The following BCKDHB variants were observed in gnomAD, a reference collection of about 807,000 sequenced individuals.
BCKDHB encodes branched chain keto acid dehydrogenase E1 subunit beta, also known as 2-oxoisovalerate dehydrogenase subunit beta, mitochondrial.
In BCKDHB, 41 loss-of-function variants were observed where a neutral mutation model predicts 48.5. The ratio of observed to expected loss-of-function variants is 0.85; its 90% CI spans 0.66 to 1.10. The LOEUF is 1.10. Among genes scored for constraint, BCKDHB ranks in the 50% least tolerant of loss-of-function variants. BCKDHB has a pLI of 0.00. For missense variants in BCKDHB, 496 were observed against 494.2 expected (o/e 1.00, Z -0.03); for synonymous variants, 201 against 174.8 (o/e 1.15, Z -1.18).
Position 80,167,826 on chromosome 6 carries a change from A to G in BCKDHB, c.477+15A>G. Reference sequence around the variant, plus strand: ...CATTTGATCAGGTAAGTGAATGAACATTTCTAAGGTTGTTCATTCATTGAA... The same window carrying G: ...CATTTGATCAGGTAAGTGAATGAACGTTTCTAAGGTTGTTCATTCATTGAA... On this transcript the variant is annotated intron_variant, in intron 4 of 9. Transcript: ENST00000320393. 1.9e-6 allele frequency: 3 copies of G among 1,612,426 alleles called. No homozygotes were observed. In the South Asian group the frequency reaches 3.3e-5, roughly 18 times the overall value.
At chr6:80,444,759 G>T in the BCKDHB span, among the ~76,000 whole-genome samples, 4 of 152,064 alleles carry the variant, frequency 2.6e-5, no homozygotes, top group African/African-American at 7.2e-5. Flanking sequence ...ATAACACCTA[G>T]TTTTTCTGAG....
intron 9 of BCKDHB, among the ~76,000 whole-genome samples, chr6:80,336,398 A>G (rs1429111336): frequency 6.6e-6 from 1 of 151,630 alleles, no homozygotes; most frequent in Non-Finnish European, 1.5e-5. Context: ...AAAAATAAGC[A>G]TCCACTTTAA....
At chr6:80,354,531 A>G in the BCKDHB span, among the ~76,000 whole-genome samples, 371 of 152,162 alleles carry the variant, frequency 2.4e-3, 1 homozygote, top group Non-Finnish European at 3.5e-3. Flanking sequence ...GCCTGGCCCT[A>G]TTTTTTTGTT....
At chr6:80,286,672 C>T (rs1766639706) in intron 9 of BCKDHB, among the ~76,000 whole-genome samples, 1 of 152,108 alleles carries the variant, frequency 6.6e-6, no homozygotes, top group Admixed American at 6.5e-5. Context: ...ATGGGCTTCT[C>T]AGGTACTGGT....
chr6:80,400,648 A>C, the BCKDHB span, among the ~76,000 whole-genome samples: 1 of 152,126 alleles, frequency 6.6e-6, no homozygotes, highest in Non-Finnish European at 1.5e-5. Flanking sequence ...ACCATTGTGG[A>C]AAGCAGTTTG....
intron 9 of BCKDHB, among the ~76,000 whole-genome samples, chr6:80,309,832 G>T (rs1380180744): frequency 6.6e-6 from 1 of 152,136 alleles, no homozygotes; most frequent in Non-Finnish European, 1.5e-5. Flanking sequence ...CTGATAGGTA[G>T]CTTTTCCATC....
At chr6:80,424,140 G>A in the BCKDHB span, among the ~76,000 whole-genome samples, 1 of 152,150 alleles carries the variant, frequency 6.6e-6, no homozygotes, top group Admixed American at 6.5e-5. Context: ...GATTCTGACT[G>A]TCTTTCAGCC....
intron 8 of BCKDHB, among the ~76,000 whole-genome samples, chr6:80,259,206 C>T (rs1247675432): frequency 6.6e-6 from 1 of 152,154 alleles, no homozygotes; most frequent in Non-Finnish European, 1.5e-5. Flanking sequence ...GTCTTGAATG[C>T]CTTTCTTCAG....
chr6:80,273,313 G>A lies in BCKDHB; in HGVS notation c.1038+92G>A, dbSNP rs534395254. ...AAATTACTTATCACAATATGTGAAAGCATACACTTTATGGAAATGTAGTGC... is the reference window on the plus strand; with the variant it reads ...AAATTACTTATCACAATATGTGAAAACATACACTTTATGGAAATGTAGTGC... On this transcript the variant is annotated intron_variant, in intron 9 of 9. Transcript: ENST00000320393. The A allele has an allele frequency of 9.0e-6, 10 of 1,115,370 alleles. No individual in the cohort carries two copies. The South Asian group carries it at 1.1e-4, about 13-fold the overall frequency. The allele number at this position is 1,115,370 out of a possible 1,614,324, so 69.1% of individuals were successfully genotyped here. A position where few individuals can be genotyped will look rare whatever the true frequency, so the allele number is the denominator to read the frequency against.
the BCKDHB span, among the ~76,000 whole-genome samples, chr6:80,407,761 T>A: frequency 6.6e-6 from 1 of 152,162 alleles, no homozygotes; most frequent in African/African-American, 2.4e-5. Flanking sequence ...TGGGCTGAGA[T>A]GATGGGGTTT....
At chr6:80,390,336 C>T in the BCKDHB span, among the ~76,000 whole-genome samples, 5 of 150,626 alleles carry the variant, frequency 3.3e-5, no homozygotes, top group East Asian at 2.0e-4. Context: ...GAAAAAAACT[C>T]GACCTACTGA....
At chr6:80,175,040 T>C (rs1773085710) in intron 6 of BCKDHB, among the ~76,000 whole-genome samples, 1 of 152,180 alleles carries the variant, frequency 6.6e-6, no homozygotes, top group South Asian at 2.1e-4. Flanking sequence ...AATATAAATG[T>C]CTAAGTTGGC....
chr6:80,342,588 AGAAAGGGG>A (rs1769972085), intron 9 of BCKDHB, among the ~76,000 whole-genome samples: 1 of 128,874 alleles, frequency 7.8e-6, no homozygotes, highest in Non-Finnish European at 1.7e-5. Flanking sequence ...AAGAAAGGGA[AGAAAGGGG>A]AAGGAAGGGA....
At chr6:80,284,244 G>A (rs1766517372) in intron 9 of BCKDHB, among the ~76,000 whole-genome samples, 1 of 152,090 alleles carries the variant, frequency 6.6e-6, no homozygotes. Context: ...ATTCACTACT[G>A]CTGATGCATT....
chr6:80,341,949 T>C (rs901351629), intron 9 of BCKDHB, among the ~76,000 whole-genome samples: 5 of 152,206 alleles, frequency 3.3e-5, no homozygotes, highest in Admixed American at 6.5e-5. Context: ...ATCTCTTAGG[T>C]GGCTCTTTAA....
chr6:80,164,660 GA>G (rs1481744550), intron 3 of BCKDHB, among the ~76,000 whole-genome samples: 5 of 152,172 alleles, frequency 3.3e-5, no homozygotes, highest in African/African-American at 1.2e-4. Flanking sequence ...ATAAATGTAT[GA>G]ATTATTATAG....
At chr6:80,336,479 A>T (rs1300331122) in intron 9 of BCKDHB, among the ~76,000 whole-genome samples, 7 of 115,152 alleles carry the variant, frequency 6.1e-5, no homozygotes, top group Non-Finnish European at 1.9e-5. Context: ...GCGGAAAGAA[A>T]TCTTAGCAAA....
intron 6 of BCKDHB, among the ~76,000 whole-genome samples, chr6:80,180,941 G>A (rs1429419712): frequency 6.6e-6 from 1 of 152,086 alleles, no homozygotes; most frequent in Non-Finnish European, 1.5e-5. Context: ...TTTCTAAATT[G>A]AAATAATACA....
At chr6:80,455,515 G>A in the BCKDHB span, among the ~76,000 whole-genome samples, 1 of 150,970 alleles carries the variant, frequency 6.6e-6, no homozygotes, top group African/African-American at 2.4e-5. Context: ...CTATGCTGAA[G>A]TCTTGTAGGG....
Sources: gnomAD v4.1 joint callset for allele counts (sites outside exome capture counted in the v4.1 genomes callset) on GRCh38, gnomAD v4.1.1 for gene constraint, MANE v1.5 for transcripts, NCBI Gene and HGNC (gene_info 2026-07-23, HGNC 2026-07-21) for gene names.